PHF24: variants seen among roughly 807,000 people sequenced by gnomAD.
PHF24 encodes the protein PHD finger protein 24.
Under a neutral mutation model 42.6 loss-of-function variants are expected in PHF24, and 25 were observed. That is an observed-to-expected ratio of 0.59 (90% CI 0.43 to 0.82). The LOEUF (loss-of-function observed/expected upper bound fraction) is 0.82, where lower values mean the gene tolerates loss of function less well. Ranked by LOEUF, PHF24 falls within the 40% of genes least tolerant of loss-of-function variation. PHF24 has a pLI of 0.00. For synonymous variants in PHF24, 185 were observed against 204.8 expected (o/e 0.90, Z 0.83); for missense variants, 470 against 538.1 (o/e 0.87, Z 1.25).
chr9:34,923,024 A>T, the PHF24 span: 1 of 496,208 alleles, frequency 2.0e-6, no homozygotes. Context: ...GCCCGCCTAG[A>T]CCCAGTTTTT....
At chr9:34,887,233 C>T in the PHF24 span, among the ~76,000 whole-genome samples, 3 of 152,122 alleles carry the variant, frequency 2.0e-5, no homozygotes, top group African/African-American at 4.8e-5. Context: ...CTATAATTAC[C>T]GGAGTAACCT....
At chr9:34,724,146 G>A in the PHF24 span, 1 of 1,549,386 alleles carries the variant, frequency 6.5e-7, no homozygotes, top group Non-Finnish European at 8.7e-7. Context: ...CTCTTGCTAG[G>A]GCTTTGAGGC....
chr9:34,804,684 G>A, the PHF24 span, among the ~76,000 whole-genome samples: 16 of 152,088 alleles, frequency 1.1e-4, no homozygotes, highest in Non-Finnish European at 2.4e-4. Context: ...TCTGACTCCA[G>A]AATCCATGCT....
the PHF24 span, among the ~76,000 whole-genome samples, chr9:34,861,767 G>A: frequency 6.6e-6 from 1 of 152,166 alleles, no homozygotes; most frequent in East Asian, 1.9e-4. Context: ...AATTTATAAT[G>A]GTTGCTAAAA....
At chr9:34,697,947 T>C in the PHF24 span, among the ~76,000 whole-genome samples, 20 of 152,136 alleles carry the variant, frequency 1.3e-4, no homozygotes, top group Non-Finnish European at 2.1e-4. Flanking sequence ...CACCTAACCA[T>C]GAGTGATAAG....
exon 8 of PHF24, chr9:34,978,688 A>G (rs990393407): frequency 2.0e-5 from 3 of 152,844 alleles, no homozygotes; most frequent in African/African-American, 7.2e-5. Context: ...GGTGTGCATT[A>G]TGTACCTCGG....
chr9:34,680,330 G>A, the PHF24 span, among the ~76,000 whole-genome samples: 3 of 149,090 alleles, frequency 2.0e-5, no homozygotes, highest in Middle Eastern at 7.3e-3. Context: ...AGCCGAGATC[G>A]CACCACTGCA....
chr9:34,835,792 G>T, the PHF24 span: 5 of 1,545,918 alleles, frequency 3.2e-6, no homozygotes, highest in Non-Finnish European at 4.4e-6. Flanking sequence ...TGACAGTGTT[G>T]GGTTTATAGA....
the PHF24 span, among the ~76,000 whole-genome samples, chr9:34,809,808 A>T: frequency 6.6e-6 from 1 of 152,060 alleles, no homozygotes; most frequent in Non-Finnish European, 1.5e-5. The surrounding 1 kb of genome is among the most constrained non-coding windows in gnomAD (Gnocchi z 4.1). Context: ...GGGCGCTCGT[A>T]GAGGGCGCCA....
the PHF24 span, chr9:34,690,419 G>A: frequency 8.6e-7 from 1 of 1,160,428 alleles, no homozygotes; most frequent in Non-Finnish European, 1.2e-6. Context: ...TCGGATTGAG[G>A]ACACCTGTGT....
the PHF24 span, among the ~76,000 whole-genome samples, chr9:34,856,729 G>T: frequency 2.0e-5 from 3 of 152,238 alleles, no homozygotes; most frequent in Non-Finnish European, 4.4e-5. Context: ...GGAGACCCCT[G>T]TTGGGAGGTC....
the PHF24 span, chr9:34,666,116 T>G: frequency 5.1e-6 from 1 of 196,240 alleles, no homozygotes; most frequent in Non-Finnish European, 1.1e-5. Flanking sequence ...AGGGGTGGGG[T>G]GTTCATGTCT....
chr9:34,767,918 A>G, the PHF24 span, among the ~76,000 whole-genome samples: 1 of 152,228 alleles, frequency 6.6e-6, no homozygotes, highest in African/African-American at 2.4e-5. Flanking sequence ...CTAACATTAC[A>G]GAATTCATAT....
chr9:34,728,941 C>T, the PHF24 span, among the ~76,000 whole-genome samples: 3 of 152,098 alleles, frequency 2.0e-5, no homozygotes, highest in East Asian at 1.9e-4. Context: ...GCAGAACAGA[C>T]AAAAGGGTAA....
chr9:34,894,964 G>T, the PHF24 span: 1 of 398,204 alleles, frequency 2.5e-6, no homozygotes, highest in South Asian at 1.3e-4. Flanking sequence ...TTAGCAGCAG[G>T]GGTCATAGAG....
At chr9:34,950,214 G>T in the PHF24 span, among the ~76,000 whole-genome samples, 4 of 151,926 alleles carry the variant, frequency 2.6e-5, no homozygotes, top group Middle Eastern at 3.2e-3. Context: ...TGGGCATGGG[G>T]GTGCACTGCT....
At chr9:34,699,150 A>C in the PHF24 span, among the ~76,000 whole-genome samples, 1 of 152,216 alleles carries the variant, frequency 6.6e-6, no homozygotes, top group African/African-American at 2.4e-5. Flanking sequence ...AGACCTTAGA[A>C]GTTTCAGAAG....
At chr9:34,670,948 C>G in the PHF24 span, among the ~76,000 whole-genome samples, 1 of 152,146 alleles carries the variant, frequency 6.6e-6, no homozygotes. Flanking sequence ...GCCTATATAT[C>G]CACCATCTGA....
exon 5 of PHF24, chr9:34,976,683 G>A (rs559584507): frequency 1.9e-6 from 3 of 1,614,206 alleles, no homozygotes; most frequent in Admixed American, 3.3e-5. Flanking sequence ...GCCACATAGA[G>A]TGGCCTGACT....
Sources: allele counts gnomAD v4.1 joint callset (sites outside exome capture counted in the v4.1 genomes callset), GRCh38; gene constraint gnomAD v4.1.1; non-coding constraint Gnocchi (gnomAD v3.1); transcripts MANE v1.5; gene names NCBI Gene and HGNC (gene_info 2026-07-23, HGNC 2026-07-21).